METTL6: variants seen among roughly 807,000 people sequenced by gnomAD.
METTL6 encodes tRNA N(3)-cytidine methyltransferase METTL6.
In METTL6, 22 loss-of-function variants were observed where a neutral mutation model predicts 26.4. That is an observed-to-expected ratio of 0.83 (90% CI 0.59 to 1.19). The LOEUF (loss-of-function observed/expected upper bound fraction) is 1.19. Among genes scored for constraint, METTL6 ranks in the 50% most tolerant of loss-of-function variants. The pLI, the probability that METTL6 is intolerant of heterozygous loss-of-function variation, is 0.00. For missense variants in METTL6, 304 were observed against 324.8 expected (o/e 0.94, Z 0.49); for synonymous variants, 109 against 116.2 (o/e 0.94, Z 0.40).
chr3:15,404,514 T>A (rs1699735600), intron 6 of METTL6, among the ~76,000 whole-genome samples: 1 of 150,168 alleles, frequency 6.7e-6, no homozygotes, highest in Non-Finnish European at 1.5e-5. Flanking sequence ...AGCTAATTTT[T>A]TTTTTTTTTT....
chr3:15,415,675 A>G, intron 4 of METTL6, 97 bp downstream of exon 4: 1 of 1,598,496 alleles, frequency 6.3e-7, no homozygotes, highest in South Asian at 1.1e-5. Flanking sequence ...GAATGGAGAG[A>G]CTATGTGAAT....
downstream of METTL6, among the ~76,000 whole-genome samples, chr3:15,406,577 A>C (rs1559485460): frequency 7.4e-6 from 1 of 135,032 alleles, no homozygotes; most frequent in East Asian, 2.2e-4. Flanking sequence ...AAAAAAAAAA[A>C]ACAAACAGTT....
At chr3:15,413,036 G>C (rs1299571386) in intron 5 of METTL6, among the ~76,000 whole-genome samples, 2 of 152,160 alleles carry the variant, frequency 1.3e-5, no homozygotes, top group East Asian at 3.9e-4. Flanking sequence ...CTTGAGACCA[G>C]GAGATTGAGA....
Position 15,414,024 on chromosome 3 carries a change from C to A in METTL6, c.670G>T (p.Asp224Tyr), listed in dbSNP as rs778589484. 2 of 1,613,664 alleles carry A rather than the reference C, an allele frequency of 1.2e-6. No homozygotes were observed. The highest frequency in any genetic ancestry group is 1.7e-6 in the Non-Finnish European group (2 of 1,179,924). ...GACTGGATTCCATTCATCTTACCAT[C>A]AGTAAAAAAATATGATCTGGTCCCA... is the stretch of plus-strand genomic sequence containing the variant. ...QDGTRSYFFT[D>Y]DFLAQLFMDT... The change falls in exon 5 of 6, where the codon GAT becomes TAT. Residue 224 changes from aspartate to tyrosine, a missense_variant. By Grantham distance (160) the Asp-to-Tyr change is radical. Transcript: ENST00000383790.
At chr3:15,421,639 G>A (rs1366575949) in intron 3 of METTL6, among the ~76,000 whole-genome samples, 1 of 152,164 alleles carries the variant, frequency 6.6e-6, no homozygotes, top group African/African-American at 2.4e-5. Context: ...TTTTTGGCCA[G>A]GTGCGGTGGC....
rs1699924429 is a variant in METTL6, at chr3:15,410,507, C to T, written c.*749G>A. 6.6e-6 allele frequency among the ~76,000 whole-genome samples: 1 copy of T among 152,128 alleles called. No individual in the cohort carries two copies. The highest frequency in any genetic ancestry group is 2.1e-4 in the South Asian group (1 of 4,826). ...TGTATTTTCTGTAGAGACAGAGTTT[C>T]ACCATGTTGCCCACACTGGTCTTGA... On this transcript the variant is annotated 3_prime_UTR_variant, in exon 6 of 6. Coordinates refer to ENST00000383790, the MANE Select transcript of METTL6 (RefSeq NM_152396.4).
In METTL6 at chr3:15,414,132, G is replaced by A. The variant is rs756803513; in HGVS notation, c.562C>T (p.Arg188Cys). 6.2e-6 allele frequency: 10 copies of A among 1,612,954 alleles called. No homozygotes were observed. The highest frequency in any genetic ancestry group is 4.5e-5 in the East Asian group (2 of 44,878). The change falls in exon 5 of 6, where the codon CGT (arginine) becomes TGT (cysteine). Residue 188 changes from arginine (R) to cysteine (C), a missense_variant. Transcript: ENST00000383790. The part of the protein sequence containing the change: ...VLKPGKSVLF[R>C]DYGLYDHAML... ...GCATGATCATACAGTCCGTAGTCAC[G>A]AAACAAGACACTTTTGCCTGGTTTT...
chr3:15,398,796 G>A (rs140833174), intron 6 of METTL6, among the ~76,000 whole-genome samples: 346 of 152,292 alleles, frequency 2.3e-3, no homozygotes, highest in African/African-American at 7.8e-3. Context: ...GCTGCAGGGA[G>A]CCATGATCAT....
chr3:15,403,660 T>A (rs1699708284), intron 6 of METTL6, among the ~76,000 whole-genome samples: 1 of 152,198 alleles, frequency 6.6e-6, no homozygotes, highest in South Asian at 2.1e-4. Flanking sequence ...CACATGCGCA[T>A]GTTACTGGGA....
intron 6 of METTL6, among the ~76,000 whole-genome samples, chr3:15,398,976 A>G (rs1408930705): frequency 6.6e-6 from 1 of 152,210 alleles, no homozygotes; most frequent in Non-Finnish European, 1.5e-5. Context: ...AGGATGTGGT[A>G]AAGAAGCTGG....
chr3:15,415,484 A>G (rs1367532375), intron 4 of METTL6: 3 of 1,584,980 alleles, frequency 1.9e-6, no homozygotes, highest in Non-Finnish European at 2.6e-6. Context: ...CCACTAAACC[A>G]TAACTCCTCT....
In METTL6 at chr3:15,409,794, T is replaced by G. The variant is rs1474832509; in HGVS notation, c.*1462A>C. Among the ~76,000 whole-genome samples, 1 of 152,220 alleles carries G rather than the reference T, an allele frequency of 6.6e-6. No individual in the cohort carries two copies. Among genetic ancestry groups the G allele is most frequent in the East Asian group, 1.9e-4 (1 of 5,206 alleles). Reference sequence around the variant, plus strand: ...AGCACAGACAGAGCAAAAGTGGTATTTGTGGAACACTGGTTTTGAAGAAAT... The same window carrying G: ...AGCACAGACAGAGCAAAAGTGGTATGTGTGGAACACTGGTTTTGAAGAAAT... On this transcript the variant is annotated 3_prime_UTR_variant, in exon 6 of 6. Coordinates refer to ENST00000383790, the MANE Select transcript of METTL6 (RefSeq NM_152396.4).
At chr3:15,413,821 G>T in intron 5 of METTL6, 200 bp downstream of exon 5, 1 of 1,492,794 alleles carries the variant, frequency 6.7e-7, no homozygotes, top group East Asian at 2.7e-5. Context: ...TGACACCAGA[G>T]AAGGCTTGTG....
downstream of METTL6, among the ~76,000 whole-genome samples, chr3:15,405,615 A>G (rs1000600144): frequency 2.6e-5 from 4 of 152,230 alleles, no homozygotes; most frequent in African/African-American, 9.6e-5. Flanking sequence ...TCTAATGTCT[A>G]GCACCACCTT....
chr3:15,399,658 C>A (rs1699588700), intron 6 of METTL6, among the ~76,000 whole-genome samples: 1 of 151,094 alleles, frequency 6.6e-6, no homozygotes, highest in African/African-American at 2.4e-5. Context: ...ATAAATAGTT[C>A]AAGTAAGTAA....
chr3:15,414,350 G>A (rs930366214), intron 4 of METTL6, 188 bp from the exon 5 acceptor site: 4 of 1,302,654 alleles, frequency 3.1e-6, no homozygotes, highest in South Asian at 3.5e-5. Flanking sequence ...ATAACACTAA[G>A]ACACTTCTTT....
intron 6 of METTL6, among the ~76,000 whole-genome samples, chr3:15,390,830 G>T (rs749400690): frequency 8.0e-5 from 12 of 149,142 alleles, no homozygotes; most frequent in Admixed American, 1.3e-4. Flanking sequence ...CGAACAGATT[G>T]AAGGGTAGTG....
At chr3:15,394,431 A>G (rs1313841819) in intron 6 of METTL6, among the ~76,000 whole-genome samples, 1 of 152,078 alleles carries the variant, frequency 6.6e-6, no homozygotes, top group Admixed American at 6.5e-5. Flanking sequence ...AATTTTGTTG[A>G]TCTTTTCAAA....
At chr3:15,407,050 T>G (rs938845207), downstream of METTL6, among the ~76,000 whole-genome samples, 2 of 152,130 alleles carry the variant, frequency 1.3e-5, no homozygotes, top group African/African-American at 4.8e-5. Context: ...AGACTCTTAC[T>G]CTGTCACCCA....
Sources: gnomAD v4.1 joint callset for allele counts (sites outside exome capture counted in the v4.1 genomes callset) on GRCh38, gnomAD v4.1.1 for gene constraint, MANE v1.5 for transcripts, NCBI Gene and HGNC (gene_info 2026-07-23, HGNC 2026-07-21) for gene names.